DNAAF8: variants seen among roughly 807,000 people sequenced by gnomAD.
DNAAF8 encodes dynein axonemal assembly factor 8.
Under a neutral mutation model 54.6 loss-of-function variants are expected in DNAAF8, and 61 were observed. That is an observed-to-expected ratio of 1.12 (90% CI 0.91 to 1.38). The LOEUF (loss-of-function observed/expected upper bound fraction) is 1.38, where lower values mean the gene tolerates loss of function less well. Ranked by LOEUF, DNAAF8 falls within the 40% of genes most tolerant of loss-of-function variation. DNAAF8 has a pLI of 0.00. For synonymous variants in DNAAF8, 320 were observed against 270.1 expected (o/e 1.18, Z -1.81); for missense variants, 837 against 665.0 (o/e 1.26, Z -2.85).
intron 8 of DNAAF8, 72 bp downstream of exon 8, chr16:4,747,097 G>C (rs1596488567): frequency 1.4e-6 from 2 of 1,409,192 alleles, no homozygotes; most frequent in Non-Finnish European, 1.9e-6. Flanking sequence ...CCTCCACCTG[G>C]CACATTTACC....
Position 4,736,508 on chromosome 16 carries a change from G to A in DNAAF8, c.-7G>A. On this transcript the variant is annotated 5_prime_UTR_variant, in exon 2 of 10. Transcript: ENST00000299320. ...CACTGAGAAGGCATCTGGAAGCCTGGGCCCTCATGGCATCCAACGATAAAG... is the reference window on the plus strand; with the variant it reads ...CACTGAGAAGGCATCTGGAAGCCTGAGCCCTCATGGCATCCAACGATAAAG... 1.3e-6 allele frequency: 2 copies of A among 1,540,568 alleles called. No homozygotes were observed. Among genetic ancestry groups the A allele is most frequent in the Non-Finnish European group, 1.8e-6 (2 of 1,134,556 alleles).
chr16:4,740,064 A>AT (rs2081942868), intron 3 of DNAAF8, 89 bp from the exon 4 acceptor site: 1 of 1,437,558 alleles, frequency 7.0e-7, no homozygotes, highest in Non-Finnish European at 9.3e-7. Context: ...ACCTCAAAAA[A>AT]AAAAAAAAAG....
In DNAAF8 at chr16:4,747,025, G is replaced by C. The variant is rs199612882; in HGVS notation, c.1280G>C (p.Arg427Pro). The change falls in exon 8 of 10, where the codon CGG becomes CCG. Residue 427 changes from arginine to proline, a missense_variant and splice_region_variant. Coordinates refer to ENST00000299320, the MANE Select transcript of DNAAF8 (RefSeq NM_139170.3). ...GCATCTCCTTCCTCCCTGGGGCTAC[G>C]GTAACCACCCAGGGGCCTCTCGCCA... is the stretch of plus-strand genomic sequence containing the variant. ...EGASPSSLGL[R>P]TCTGKSQLLQ... 3 of 1,528,314 alleles carry C rather than the reference G, an allele frequency of 2.0e-6. No individual in the cohort carries two copies. The highest frequency in any genetic ancestry group is 2.6e-6 in the Non-Finnish European group (3 of 1,142,606). 94.7% of individuals were successfully genotyped at this position (1,528,314 alleles called of 1,614,324 possible). A position where few individuals can be genotyped will look rare whatever the true frequency, so the allele number is the denominator to read the frequency against.
chr16:4,741,355 A>C (rs2081959675), intron 4 of DNAAF8, among the ~76,000 whole-genome samples: 2 of 152,368 alleles, frequency 1.3e-5, no homozygotes, highest in South Asian at 4.1e-4. Context: ...AGCCATATCT[A>C]AAATATAGAA....
intron 5 of DNAAF8, 42 bp from the exon 6 acceptor site, chr16:4,744,828 G>A: frequency 6.3e-7 from 1 of 1,589,392 alleles, no homozygotes; most frequent in Non-Finnish European, 8.6e-7. Flanking sequence ...TCACAAGTGG[G>A]CCAAGTCCCC....
In DNAAF8 at chr16:4,747,584, G is replaced by C; in HGVS notation, c.1522G>C (p.Ala508Pro). The change falls in exon 9 of 10, where the codon GCA (alanine) becomes CCA (proline). Residue 508 changes from alanine to proline, a missense_variant. Ala to Pro is a conservative substitution (Grantham distance 27). Transcript: ENST00000299320. ...RALGDVPEPG[A>P]AREALMPPLE... The stretch of plus-strand genomic sequence containing the variant: ...CCTGGGGGATGTTCCTGAGCCAGGG[G>C]CAGCCAGGGAGGCCCTGATGCCTCC... The C allele has an allele frequency of 6.2e-7, 1 of 1,610,786 alleles. No homozygotes were observed. Among genetic ancestry groups the C allele is most frequent in the South Asian group, 1.1e-5 (1 of 90,918 alleles).
Position 4,736,507 on chromosome 16 carries a change from G to A in DNAAF8, c.-8G>A, listed in dbSNP as rs770196023. 6.5e-7 allele frequency: 1 copy of A among 1,540,970 alleles called. No individual in the cohort carries two copies. Among genetic ancestry groups the A allele is most frequent in the Non-Finnish European group, 8.8e-7 (1 of 1,134,828 alleles). Reference sequence around the variant, plus strand: ...GCACTGAGAAGGCATCTGGAAGCCTGGGCCCTCATGGCATCCAACGATAAA... The same window carrying A: ...GCACTGAGAAGGCATCTGGAAGCCTAGGCCCTCATGGCATCCAACGATAAA... On this transcript the variant is annotated 5_prime_UTR_variant, in exon 2 of 10. Coordinates refer to ENST00000299320, the MANE Select transcript of DNAAF8 (RefSeq NM_139170.3).
intron 2 of DNAAF8, among the ~76,000 whole-genome samples, chr16:4,737,580 C>G (rs1458327399): frequency 6.6e-6 from 1 of 152,176 alleles, no homozygotes; most frequent in African/African-American, 2.4e-5. Flanking sequence ...GTTGTGCTGC[C>G]AAGCCCATTT....
At chr16:4,743,401 C>T in intron 5 of DNAAF8, 1 of 394,400 alleles carries the variant, frequency 2.5e-6, no homozygotes, top group Non-Finnish European at 4.5e-6. Context: ...AAGGAGAGGC[C>T]TCCGCACCCC....
Position 4,740,487 on chromosome 16 carries a change from G to A in DNAAF8, c.611G>A (p.Arg204Lys), listed in dbSNP as rs1202122209. 6.2e-7 allele frequency: 1 copy of A among 1,614,110 alleles called. No homozygotes were observed. Among genetic ancestry groups the A allele is most frequent in the African/African-American group, 1.3e-5 (1 of 75,066 alleles). The change falls in exon 4 of 10, where the codon AGG (arginine) becomes AAG (lysine). Residue 204 changes from arginine (R) to lysine (K), a missense_variant. Coordinates refer to ENST00000299320, the MANE Select transcript of DNAAF8 (RefSeq NM_139170.3). Reference sequence around the variant, plus strand: ...CGCCGGGCCCTCCGACAGGAGAGAAGGAAGATGATAGAGACGGACATCCTC... The same window carrying A: ...CGCCGGGCCCTCCGACAGGAGAGAAAGAAGATGATAGAGACGGACATCCTC... ...VNRRALRQER[R>K]KMIETDILQK...
intron 4 of DNAAF8, 36 bp downstream of exon 4, chr16:4,740,695 C>A (rs1199145571): frequency 1.3e-6 from 2 of 1,533,006 alleles, no homozygotes; most frequent in Non-Finnish European, 1.7e-6. Context: ...TTTCTCAGGC[C>A]TGTTACCTGT....
At chr16:4,742,303 A>G (rs2081968334) in intron 4 of DNAAF8, among the ~76,000 whole-genome samples, 1 of 152,134 alleles carries the variant, frequency 6.6e-6, no homozygotes, top group African/African-American at 2.4e-5. Context: ...GCCTGTAATC[A>G]CAACATTTTG....
chr16:4,737,779 AG>A lies in DNAAF8; in HGVS notation c.130-20del, dbSNP rs760196267. 1.9e-6 allele frequency: 3 copies of A among 1,613,826 alleles called. No individual in the cohort carries two copies. In the South Asian group the frequency reaches 3.3e-5, roughly 18 times the overall value. On this transcript the variant is annotated intron_variant, in intron 2 of 9. Transcript: ENST00000299320. Reference sequence around the variant, plus strand: ...TCTGCCTGCTGCCTTGTCCTCCAAAAGCCCTCTCATTTGTCCACAGTCGGAC... The same window carrying A: ...TCTGCCTGCTGCCTTGTCCTCCAAAACCCTCTCATTTGTCCACAGTCGGAC...
At chr16:4,743,927 T>G (rs2081980592) in intron 5 of DNAAF8, 1 of 25,262 alleles carries the variant, frequency 4.0e-5, no homozygotes, top group South Asian at 8.9e-4. Flanking sequence ...GTATTCTTTT[T>G]TTTTTTTTTT....
intron 2 of DNAAF8, 87 bp from the exon 3 acceptor site, chr16:4,737,713 G>C (rs1251870480): frequency 6.7e-7 from 1 of 1,493,028 alleles, no homozygotes; most frequent in Admixed American, 1.7e-5. Flanking sequence ...CTGGAAGTGA[G>C]AGTGGAGAGT....
At chr16:4,739,265 G>T (rs151114866) in intron 3 of DNAAF8, among the ~76,000 whole-genome samples, 794 of 68,776 alleles carry the variant, frequency 0.012, 2 homozygotes, top group South Asian at 0.017. Flanking sequence ...ATTTTTTCTT[G>T]TTTTTTTTTT....
In DNAAF8 at chr16:4,736,553, C is replaced by T. The variant is rs774976805; in HGVS notation, c.39C>T (p.Gly13=). The change falls in exon 2 of 10, where the codon GGC becomes GGT. Residue 13 remains glycine (G), a synonymous_variant. Transcript: ENST00000299320. ...SNDKGMAPSL[G]SPWASQMGPW... ...ATAAAGGCATGGCACCCTCGCTGGG[C>T]TCTCCCTGGGCCTCCCAGATGGGGC... 9.6e-5 allele frequency: 152 copies of T among 1,581,086 alleles called. No individual in the cohort carries two copies. The highest frequency in any genetic ancestry group is 1.3e-4 in the Non-Finnish European group (150 of 1,158,688).
intron 3 of DNAAF8, among the ~76,000 whole-genome samples, chr16:4,738,155 A>C (rs867405273): frequency 2.8e-4 from 42 of 151,950 alleles, no homozygotes; most frequent in Admixed American, 2.6e-4. Flanking sequence ...TAGGGCTGGC[A>C]TGCACGCTTG....
chr16:4,747,025 G>A lies in DNAAF8; in HGVS notation c.1280G>A (p.Arg427Gln), dbSNP rs199612882. 195 of 1,528,196 alleles carry A rather than the reference G, an allele frequency of 1.3e-4. No individual in the cohort carries two copies. In the Middle Eastern group the frequency reaches 1.7e-3, roughly 13 times the overall value. The allele number at this position is 1,528,196 out of a possible 1,614,324, so 94.7% of individuals were successfully genotyped here. A position where few individuals can be genotyped will look rare whatever the true frequency, so the allele number is the denominator to read the frequency against. ...EGASPSSLGL[R>Q]TCTGKSQLLQ... The stretch of plus-strand genomic sequence containing the variant: ...GCATCTCCTTCCTCCCTGGGGCTAC[G>A]GTAACCACCCAGGGGCCTCTCGCCA... The change falls in exon 8 of 10, where the codon CGG becomes CAG. Residue 427 changes from arginine to glutamine, a missense_variant and splice_region_variant. Coordinates refer to ENST00000299320, the MANE Select transcript of DNAAF8 (RefSeq NM_139170.3).
Sources: allele counts gnomAD v4.1 joint callset (sites outside exome capture counted in the v4.1 genomes callset), GRCh38; gene constraint gnomAD v4.1.1; transcripts MANE v1.5; gene names NCBI Gene and HGNC (gene_info 2026-07-23, HGNC 2026-07-21).